Variants in KIAA1549L observed in about 807,000 individuals in gnomAD.
The protein encoded by KIAA1549L is KIAA1549 like.
A neutral mutation model predicts 160.7 loss-of-function variants in KIAA1549L; 88 were observed. The ratio of observed to expected loss-of-function variants is 0.55; its 90% CI spans 0.46 to 0.65. The LOEUF is 0.65. Ranked by LOEUF, KIAA1549L falls within the 30% of genes least tolerant of loss-of-function variation. The pLI is 0.00. For synonymous variants in KIAA1549L, 950 were observed against 976.7 expected (o/e 0.97, Z 0.51); for missense variants, 2,258 against 2,437.5 (o/e 0.93, Z 1.55).
At chr11:33,426,550 A>G (rs1297220383) in intron 1 of KIAA1549L, among the ~76,000 whole-genome samples, 1 of 152,126 alleles carries the variant, frequency 6.6e-6, no homozygotes, top group African/African-American at 2.4e-5. Context: ...TTTTGGCTGT[A>G]TCATCTTTCA....
At chr11:33,599,282 A>G (rs1487469648) in intron 13 of KIAA1549L, 3 of 163,588 alleles carry the variant, frequency 1.8e-5, no homozygotes, top group Non-Finnish European at 2.7e-5. Context: ...CTAATTTCTA[A>G]TCACATGAAT....
At chr11:33,409,953 G>T (rs1850754458) in intron 1 of KIAA1549L, among the ~76,000 whole-genome samples, 3 of 152,062 alleles carry the variant, frequency 2.0e-5, no homozygotes, top group African/African-American at 4.8e-5. Flanking sequence ...CTGGGCTAGT[G>T]GGGGCCACAA....
chr11:33,398,646 T>C (rs1034936533), intron 1 of KIAA1549L, among the ~76,000 whole-genome samples: 1 of 152,234 alleles, frequency 6.6e-6, no homozygotes, highest in Non-Finnish European at 1.5e-5. Flanking sequence ...CTCACTCTTC[T>C]TCCATTCATA....
At chr11:33,437,047 G>A (rs1048779436) in intron 1 of KIAA1549L, among the ~76,000 whole-genome samples, 6 of 152,164 alleles carry the variant, frequency 3.9e-5, no homozygotes, top group African/African-American at 7.2e-5. Context: ...TACTCTATGC[G>A]GTAGTTATAG....
At chr11:33,553,187 ATGGAGTCTCCATATATTGCCTAAGC>A (rs1205285200) in intron 6 of KIAA1549L, among the ~76,000 whole-genome samples, 2 of 152,118 alleles carry the variant, frequency 1.3e-5, no homozygotes, top group African/African-American at 4.8e-5. Context: ...ATTTGTAGAG[ATGGAGTCTCCATATATTGCCTAAGC>A]TGGTCTCTAA....
chr11:33,468,567 G>A (rs1852109285), intron 1 of KIAA1549L, among the ~76,000 whole-genome samples: 1 of 152,170 alleles, frequency 6.6e-6, no homozygotes, highest in South Asian at 2.1e-4. Flanking sequence ...TATTGACAGT[G>A]CCCTTATCTT....
At chr11:33,638,433 A>AAAAT (rs1554927327) in intron 16 of KIAA1549L, among the ~76,000 whole-genome samples, 36 of 37,688 alleles carry the variant, frequency 9.6e-4, no homozygotes, top group East Asian at 4.8e-3. Flanking sequence ...AAAAAAAAAA[A>AAAAT]AAATAAATAA....
At chr11:33,594,868 T>C (rs1291304239) in intron 12 of KIAA1549L, among the ~76,000 whole-genome samples, 3 of 152,228 alleles carry the variant, frequency 2.0e-5, no homozygotes, top group Non-Finnish European at 4.4e-5. Context: ...GCAAGTAGTA[T>C]TACCTACAGC....
At chr11:33,438,220 G>T (rs1851418709) in intron 1 of KIAA1549L, among the ~76,000 whole-genome samples, 2 of 152,118 alleles carry the variant, frequency 1.3e-5, no homozygotes, top group South Asian at 4.2e-4. Context: ...GGTTAAACTG[G>T]TGGTTTACTG....
rs371349047 is a variant in KIAA1549L at position 33,558,656 on chromosome 11, A to G, written c.3856-1093A>G. On this transcript the variant is annotated intron_variant, in intron 6 of 20. Transcript: ENST00000658780. ...TCTCATCTGTAGGATATTTTTGTTCATACATTGACCCAGAAAGCTTCATTT... is the reference window on the plus strand; with the variant it reads ...TCTCATCTGTAGGATATTTTTGTTCGTACATTGACCCAGAAAGCTTCATTT... Among the ~76,000 whole-genome samples, 7 of 152,322 alleles carry G rather than the reference A, an allele frequency of 4.6e-5. No homozygotes were observed. The East Asian group carries it at 1.3e-3, about 29-fold the overall frequency.
chr11:33,643,841 A>G (rs1311004548), intron 16 of KIAA1549L, among the ~76,000 whole-genome samples: 4 of 152,230 alleles, frequency 2.6e-5, no homozygotes. Context: ...GTAACTTTCA[A>G]GGGTTGCATT....
Position 33,574,724 on chromosome 11 carries a change from C to G in KIAA1549L, c.4253C>G (p.Pro1418Arg). The change falls in exon 10 of 21, where the codon CCA (proline) becomes CGA (arginine). Residue 1418 changes from proline to arginine, a missense_variant. By Grantham distance (103) the Pro-to-Arg change is moderately radical. Around this residue, in one of 6 missense-constraint regions of KIAA1549L, gnomAD observed 1,359 missense variants for 1,546.6 expected, o/e 0.88. Coordinates refer to ENST00000658780, the MANE Select transcript of KIAA1549L (RefSeq NM_012194.3). ...TVQMVKMQRVPGPKDPAELTY... is the reference protein window; with the variant it reads ...TVQMVKMQRVRGPKDPAELTY... ...AAGATGGTGAAGATGCAGCGTGTCC[C>G]AGGCCCGAAGGACCCAGCGGAGCTG... 6.2e-7 allele frequency: 1 copy of G among 1,612,260 alleles called. No homozygotes were observed. The highest frequency in any genetic ancestry group is 1.3e-5 in the African/African-American group (1 of 74,980).
intron 6 of KIAA1549L, among the ~76,000 whole-genome samples, chr11:33,554,145 T>G (rs1854566187): frequency 1.3e-5 from 2 of 152,172 alleles, no homozygotes; most frequent in African/African-American, 4.8e-5. Context: ...CATGCTGACA[T>G]TCCCTTGGGG....
At chr11:33,472,185 A>G (rs1409503556) in intron 1 of KIAA1549L, among the ~76,000 whole-genome samples, 2 of 148,000 alleles carry the variant, frequency 1.4e-5, no homozygotes, top group Non-Finnish European at 3.0e-5. Context: ...CCTAGACTTG[A>G]GTACAGTGCA....
At chr11:33,662,537 A>G (rs1379864942) in intron 20 of KIAA1549L, among the ~76,000 whole-genome samples, 1 of 152,182 alleles carries the variant, frequency 6.6e-6, no homozygotes, top group Non-Finnish European at 1.5e-5. Context: ...ACCACTGGAT[A>G]TGATTTGAGC....
At chr11:33,508,863 G>A (rs1293446358) in intron 1 of KIAA1549L, among the ~76,000 whole-genome samples, 5 of 152,096 alleles carry the variant, frequency 3.3e-5, no homozygotes, top group African/African-American at 7.2e-5. Context: ...TGTGATCTTC[G>A]GCAAGTCATT....
At chr11:33,537,152 G>T (rs1205990175) in intron 1 of KIAA1549L, among the ~76,000 whole-genome samples, 1 of 152,134 alleles carries the variant, frequency 6.6e-6, no homozygotes, top group African/African-American at 2.4e-5. Context: ...GCATATGCTT[G>T]TTCCTTTATG....
At chr11:33,433,345 T>A (rs1418164334) in intron 1 of KIAA1549L, among the ~76,000 whole-genome samples, 1 of 152,148 alleles carries the variant, frequency 6.6e-6, no homozygotes, top group Admixed American at 6.5e-5. Context: ...GAAAAAAGGC[T>A]CAACGTCACT....
intron 16 of KIAA1549L, among the ~76,000 whole-genome samples, chr11:33,631,779 A>G (rs1464399582): frequency 6.6e-6 from 1 of 152,182 alleles, no homozygotes; most frequent in Admixed American, 6.5e-5. Flanking sequence ...TCCATTAGTT[A>G]GTTCACTTGT....
Sources: allele counts gnomAD v4.1 joint callset (sites outside exome capture counted in the v4.1 genomes callset), GRCh38; gene constraint gnomAD v4.1.1; regional missense constraint gnomAD v4.1.1; transcripts MANE v1.5; gene names NCBI Gene and HGNC (gene_info 2026-07-23, HGNC 2026-07-21).